TNRC6A: variants seen among roughly 807,000 people sequenced by gnomAD.
TNRC6A encodes the protein trinucleotide repeat containing adaptor 6A.
TNRC6A carries 44 observed loss-of-function variants against 221.2 expected under a neutral mutation model. The ratio of observed to expected loss-of-function variants is 0.20; its 90% confidence interval spans 0.16 to 0.26. The LOEUF is 0.26. TNRC6A is among the 10% of genes least tolerant of loss of function. TNRC6A has a pLI of 1.00. For missense variants in TNRC6A, 2,199 were observed against 2,404.4 expected (o/e 0.91, Z 1.79); for synonymous variants, 847 against 838.5 (o/e 1.01, Z -0.18).
chr16:24,629,348 A>G (rs562492727), intron 1 of TNRC6A, among the ~76,000 whole-genome samples: 1 of 152,356 alleles, frequency 6.6e-6, no homozygotes, highest in Non-Finnish European at 1.5e-5. Flanking sequence ...CTAAGTGCTT[A>G]AACACTATTT....
intron 3 of TNRC6A, among the ~76,000 whole-genome samples, chr16:24,754,664 A>G (rs549241244): frequency 2.1e-4 from 32 of 152,296 alleles, no homozygotes; most frequent in African/African-American, 7.2e-4. Flanking sequence ...CTTAAGGGAA[A>G]TGTAATGAGG....
In TNRC6A at chr16:24,818,684, A is replaced by G; in HGVS notation, c.5064A>G (p.Thr1688=). The change falls in exon 21 of 25, where the codon ACA becomes ACG. Residue 1688 remains threonine (T), a synonymous_variant. Transcript: ENST00000395799. ...ACTACAACGTTCCCCTCAGCAGTAC[A>G]GCACAAAGCACTTCAGGTGGGCCTC... is the stretch of plus-strand genomic sequence containing the variant. ...ASNYNVPLSS[T]AQSTSARNSD... 6.2e-7 allele frequency: 1 copy of G among 1,614,118 alleles called. No individual in the cohort carries two copies. Among genetic ancestry groups the G allele is most frequent in the Non-Finnish European group, 8.5e-7 (1 of 1,179,962 alleles).
chr16:24,717,543 G>A (rs1475110600), intron 2 of TNRC6A, among the ~76,000 whole-genome samples: 2 of 152,134 alleles, frequency 1.3e-5, no homozygotes, highest in East Asian at 3.9e-4. Context: ...ATGTGCCTGT[G>A]GTGGATCTGG....
intron 4 of TNRC6A, chr16:24,776,445 G>T: frequency 1.0e-6 from 1 of 985,396 alleles, no homozygotes; most frequent in Non-Finnish European, 1.2e-6. Context: ...AAACCAGCAG[G>T]TTGTTTTCTA....
At chr16:24,704,850 A>G (rs1298879593) in intron 2 of TNRC6A, among the ~76,000 whole-genome samples, 1 of 151,838 alleles carries the variant, frequency 6.6e-6, no homozygotes, top group Non-Finnish European at 1.5e-5. Flanking sequence ...ATAACAGAAA[A>G]TCTCAGCACA....
rs202104246 is a variant in TNRC6A, at chr16:24,790,172, A to G, written c.1530A>G (p.Gly510=). The change falls in exon 6 of 25, where the codon GGA becomes GGG. Residue 510 remains glycine (G), a synonymous_variant. Transcript: ENST00000395799. The part of the protein sequence containing the change: ...NGTSLSHLSN[G]ESKSGGSYGT... ...CTTCCCTTTCTCACCTTAGCAATGG[A>G]GAGTCAAAAAGTGGAGGCTCTTATG... The G allele has an allele frequency of 1.9e-6, 3 of 1,614,050 alleles. No homozygotes were observed. The highest frequency in any genetic ancestry group is 1.6e-4 in the Middle Eastern group (1 of 6,084).
intron 1 of TNRC6A, among the ~76,000 whole-genome samples, chr16:24,611,396 A>G (rs2033219): frequency 0.36 from 55,489 of 152,038 alleles, 10,379 homozygotes; most frequent in South Asian, 0.43. Flanking sequence ...GCTTGGGGCC[A>G]TCAGAACTGT....
At chr16:24,800,805 C>T (rs568779088) in intron 11 of TNRC6A, among the ~76,000 whole-genome samples, 1 of 152,292 alleles carries the variant, frequency 6.6e-6, no homozygotes, top group African/African-American at 2.4e-5. Flanking sequence ...TGCTGACCCA[C>T]CAGGCAATGG....
chr16:24,815,334 T>C (rs1464472961), intron 19 of TNRC6A, 29 bp downstream of exon 19: 5 of 1,610,970 alleles, frequency 3.1e-6, no homozygotes, highest in Non-Finnish European at 4.2e-6. Context: ...CTTTCTTTCA[T>C]GAGACTGTGT....
At position 24,793,484 on chromosome 16, in the gene TNRC6A, C is replaced by T. The variant is rs776978877; in HGVS notation, c.3187C>T (p.Pro1063Ser). 6 of 1,492,554 alleles carry T rather than the reference C, an allele frequency of 4.0e-6. No homozygotes were observed. Among genetic ancestry groups the T allele is most frequent in the Non-Finnish European group, 4.5e-6 (5 of 1,114,698 alleles). 92.5% of individuals were successfully genotyped at this position (1,492,554 alleles called of 1,614,324 possible). Residue 1063 changes from proline (P) to serine (S), a missense_variant, in exon 7 of 25, where the codon CCC becomes TCC. Physicochemically the swap from Pro to Ser is moderately conservative, Grantham distance 74. Transcript: ENST00000395799. ...CACACTTTCTAAAGGCTGGGGTGAG[C>T]CCTGGGGGGAGCCTTCTACTCCAGC... ...EASSGSGWGE[P>S]WGEPSTPATT...
chr16:24,642,154 A>G (rs1420896364), intron 2 of TNRC6A, among the ~76,000 whole-genome samples: 1 of 152,222 alleles, frequency 6.6e-6, no homozygotes, highest in Non-Finnish European at 1.5e-5. Flanking sequence ...GTAAACGGCA[A>G]CAAAAGAGGC....
chr16:24,673,207 A>T (rs1374935478), intron 2 of TNRC6A, among the ~76,000 whole-genome samples: 1 of 152,178 alleles, frequency 6.6e-6, no homozygotes, highest in Non-Finnish European at 1.5e-5. Context: ...AAATAAAAAT[A>T]AAAAAAGATA....
intron 2 of TNRC6A, among the ~76,000 whole-genome samples, chr16:24,674,226 C>T (rs948716631): frequency 2.6e-5 from 4 of 152,100 alleles, no homozygotes; most frequent in Non-Finnish European, 1.5e-5. Flanking sequence ...TGTGCCACCA[C>T]GCCAGCTATT....
At chr16:24,698,985 A>G (rs1282944653) in intron 2 of TNRC6A, among the ~76,000 whole-genome samples, 1 of 152,186 alleles carries the variant, frequency 6.6e-6, no homozygotes, top group Non-Finnish European at 1.5e-5. Flanking sequence ...CTGGGATTAC[A>G]GGGGTGTGCC....
chr16:24,683,049 C>A (rs1013224737), intron 2 of TNRC6A, among the ~76,000 whole-genome samples: 1 of 152,168 alleles, frequency 6.6e-6, no homozygotes, highest in Non-Finnish European at 1.5e-5. Context: ...ATGCCCTGGG[C>A]TCATATGTGC....
At chr16:24,617,488 C>T (rs1900424035) in intron 1 of TNRC6A, among the ~76,000 whole-genome samples, 1 of 152,172 alleles carries the variant, frequency 6.6e-6, no homozygotes, top group African/African-American at 2.4e-5. Flanking sequence ...TCTTTTATTG[C>T]TTCTTGGCCT....
At chr16:24,704,424 A>C (rs1259966607) in intron 2 of TNRC6A, among the ~76,000 whole-genome samples, 1 of 152,096 alleles carries the variant, frequency 6.6e-6, no homozygotes, top group East Asian at 1.9e-4. Flanking sequence ...TCACGCCTGT[A>C]ATCCAGCACT....
chr16:24,823,302 TG>T lies in TNRC6A; in HGVS notation c.5514-129del, dbSNP rs1299181511. On this transcript the variant is annotated intron_variant, in intron 24 of 24. Coordinates refer to ENST00000395799, the MANE Select transcript of TNRC6A (RefSeq NM_014494.4). This position sits in a 1 kb window ranked among gnomAD's most constrained non-coding sequence, Gnocchi z 4.3. ...GGGTGAAGGGAGGGCACGCAGGTTA[TG>T]TGGTGTAGTCTCTCCCTCTGTGCCT... The T allele has an allele frequency of 8.5e-7, 1 of 1,172,760 alleles. No individual in the cohort carries two copies. Among genetic ancestry groups the T allele is most frequent in the African/African-American group, 1.5e-5 (1 of 65,076 alleles). The allele number at this position is 1,172,760 out of a possible 1,614,324, so 72.6% of individuals were successfully genotyped here.
intron 2 of TNRC6A, among the ~76,000 whole-genome samples, chr16:24,703,823 C>G (rs554836915): frequency 6.6e-6 from 1 of 152,114 alleles, no homozygotes; most frequent in East Asian, 1.9e-4. Flanking sequence ...GTGGCTCACG[C>G]CTGTAATCCC....
Sources: gnomAD v4.1 joint callset for allele counts (sites outside exome capture counted in the v4.1 genomes callset) on GRCh38, gnomAD v4.1.1 for gene constraint, Gnocchi (gnomAD v3.1) non-coding constraint, MANE v1.5 for transcripts, NCBI Gene and HGNC (gene_info 2026-07-23, HGNC 2026-07-21) for gene names.